PHTF2: variants seen among roughly 807,000 people sequenced by gnomAD.
PHTF2 encodes the protein protein PHTF2.
A neutral mutation model predicts 101.2 loss-of-function variants in PHTF2; 60 were observed. The observed-to-expected ratio is 0.59, with a 90% CI of 0.48 to 0.73. The LOEUF (loss-of-function observed/expected upper bound fraction) is 0.73. Among genes scored for constraint, PHTF2 ranks in the 30% least tolerant of loss-of-function variants. The probability of loss-of-function intolerance (pLI) is 0.00; values close to 1 mark genes in which losing one functional copy is unlikely to be tolerated. For synonymous variants in PHTF2, 311 were observed against 307.3 expected (o/e 1.01, Z -0.13); for missense variants, 747 against 908.7 (o/e 0.82, Z 2.29).
intron 1 of PHTF2, among the ~76,000 whole-genome samples, chr7:77,829,461 C>T (rs17807580): frequency 0.22 from 34,118 of 151,998 alleles, 4,095 homozygotes; most frequent in South Asian, 0.29. Flanking sequence ...GACCATAAAA[C>T]GTGTGGTGTT....
At chr7:77,926,402 AT>A (rs1176894741) in intron 11 of PHTF2, among the ~76,000 whole-genome samples, 3 of 152,030 alleles carry the variant, frequency 2.0e-5, no homozygotes, top group Non-Finnish European at 4.4e-5. Context: ...CTTATTAATC[AT>A]TTTCTTCTCT....
chr7:77,900,131 A>G (rs78223424), intron 5 of PHTF2, among the ~76,000 whole-genome samples: 2,999 of 152,164 alleles, frequency 0.02, 84 homozygotes, highest in African/African-American at 0.068. Flanking sequence ...TATGGTGTCT[A>G]AGTTTTGAGG....
intron 12 of PHTF2, among the ~76,000 whole-genome samples, chr7:77,931,359 TACTAC>T (rs1308180587): frequency 6.6e-6 from 1 of 152,194 alleles, no homozygotes; most frequent in African/African-American, 2.4e-5. Context: ...ATCACAGTGT[TACTAC>T]ATACAGGACA....
chr7:77,851,412 T>C (rs1796751229), intron 2 of PHTF2, among the ~76,000 whole-genome samples: 1 of 152,200 alleles, frequency 6.6e-6, no homozygotes. Context: ...CATAGCAGTC[T>C]CTAATAATCC....
chr7:77,843,247 G>T (rs1019167030), intron 2 of PHTF2, among the ~76,000 whole-genome samples: 1 of 152,126 alleles, frequency 6.6e-6, no homozygotes, highest in African/African-American at 2.4e-5. Flanking sequence ...ATCATTTAAA[G>T]ATATGTTATG....
intron 12 of PHTF2, among the ~76,000 whole-genome samples, chr7:77,932,080 G>A (rs1804620739): frequency 1.3e-5 from 2 of 152,080 alleles, no homozygotes; most frequent in Admixed American, 6.6e-5. Flanking sequence ...CAGCCTGAGC[G>A]ACAGAGCGGA....
intron 1 of PHTF2, among the ~76,000 whole-genome samples, chr7:77,832,919 C>T (rs147443604): frequency 6.6e-6 from 1 of 152,244 alleles, no homozygotes; most frequent in East Asian, 1.9e-4. Context: ...TTCCACAAAA[C>T]CAGTCCCTGG....
chr7:77,901,628 G>A (rs1801401997), intron 6 of PHTF2, 134 bp from the exon 6 acceptor site: 5 of 416,976 alleles, frequency 1.2e-5, no homozygotes, highest in South Asian at 1.3e-4. Flanking sequence ...CTATAAATTG[G>A]ACATTTCTCA....
At chr7:77,799,133 C>T (rs1296003428) in intron 1 of PHTF2, among the ~76,000 whole-genome samples, 162 bp downstream of exon 1, 1 of 152,176 alleles carries the variant, frequency 6.6e-6, no homozygotes, top group African/African-American at 2.4e-5. Flanking sequence ...GCGACTTTCC[C>T]GGCAGTCTCC....
intron 18 of PHTF2, among the ~76,000 whole-genome samples, chr7:77,952,163 A>G (rs887813557): frequency 6.6e-6 from 1 of 152,184 alleles, no homozygotes; most frequent in African/African-American, 2.4e-5. Flanking sequence ...AAAAAGGAAT[A>G]CAATTTTGAT....
exon 14 of PHTF2, chr7:77,940,134 C>G (rs566004990): frequency 6.2e-7 from 1 of 1,613,852 alleles, no homozygotes; most frequent in African/African-American, 1.3e-5. Context: ...AAGCTACAGA[C>G]TTGGAACAAC....
chr7:77,847,722 AC>A (rs1796415938), intron 2 of PHTF2, among the ~76,000 whole-genome samples: 1 of 152,114 alleles, frequency 6.6e-6, no homozygotes, highest in Non-Finnish European at 1.5e-5. Flanking sequence ...TTCTAATTAT[AC>A]CCTTTTAGTT....
intron 1 of PHTF2, among the ~76,000 whole-genome samples, chr7:77,823,228 TC>T (rs1274993988): frequency 6.8e-6 from 1 of 147,872 alleles, no homozygotes; most frequent in Non-Finnish European, 1.5e-5. Flanking sequence ...TAAATTACTC[TC>T]TTTTTTTTTG....
intron 1 of PHTF2, among the ~76,000 whole-genome samples, chr7:77,822,051 A>T (rs564172973): frequency 6.6e-6 from 1 of 152,048 alleles, no homozygotes; most frequent in Non-Finnish European, 1.5e-5. Context: ...AGCCCGAGGG[A>T]TGTATCAGCT....
chr7:77,935,132 C>G (rs866736405), intron 12 of PHTF2, among the ~76,000 whole-genome samples: 18 of 18,672 alleles, frequency 9.6e-4, no homozygotes, highest in Admixed American at 2.6e-3. Context: ...CCCCCCCCCA[C>G]ACACACACAC....
chr7:77,829,045 G>A (rs1046603882), intron 1 of PHTF2, among the ~76,000 whole-genome samples: 1 of 152,046 alleles, frequency 6.6e-6, no homozygotes, highest in Non-Finnish European at 1.5e-5. Flanking sequence ...AGCCAGGTGC[G>A]ATGGTGTCCA....
chr7:77,852,862 G>T (rs1796879556), intron 2 of PHTF2, among the ~76,000 whole-genome samples: 1 of 152,114 alleles, frequency 6.6e-6, no homozygotes, highest in Non-Finnish European at 1.5e-5. Flanking sequence ...ACTATTAAAG[G>T]ATAAAAGTTT....
At chr7:77,947,528 A>C (rs1212193458) in intron 16 of PHTF2, among the ~76,000 whole-genome samples, 1 of 152,044 alleles carries the variant, frequency 6.6e-6, no homozygotes, top group East Asian at 1.9e-4. Flanking sequence ...ACGCCACTGC[A>C]CTCCAGCCTG....
exon 15 of PHTF2, chr7:77,940,638 A>G (rs368137936): frequency 1.4e-5 from 22 of 1,606,362 alleles, no homozygotes; most frequent in Non-Finnish European, 1.7e-5. Flanking sequence ...AAATGTGGCT[A>G]TCTCTCCGTT....
Sources: allele counts gnomAD v4.1 joint callset (sites outside exome capture counted in the v4.1 genomes callset), GRCh38; gene constraint gnomAD v4.1.1; transcripts MANE v1.5; gene names NCBI Gene and HGNC (gene_info 2026-07-23, HGNC 2026-07-21).